IL16: variants seen among roughly 807,000 people sequenced by gnomAD.
IL16 encodes interleukin 16.
IL16 carries 67 observed loss-of-function variants against 110.1 expected under a neutral mutation model. That is an observed-to-expected ratio of 0.61 (90% CI 0.50 to 0.75). The LOEUF (loss-of-function observed/expected upper bound fraction) is 0.75. Ranked by LOEUF, IL16 falls within the 30% of genes least tolerant of loss-of-function variation. IL16 has a pLI of 0.00. For missense variants in IL16, 1,545 were observed against 1,655.0 expected (o/e 0.93, Z 1.15); for synonymous variants, 689 against 662.9 (o/e 1.04, Z -0.61).
At chr15:81,204,368 G>A (rs1379351596) in intron 1 of IL16, among the ~76,000 whole-genome samples, 2 of 152,122 alleles carry the variant, frequency 1.3e-5, no homozygotes, top group African/African-American at 4.8e-5. Flanking sequence ...TGTTGAATAG[G>A]AGTGGTGAGA....
In IL16 at chr15:81,265,815, G is replaced by A. The variant is rs764213288; in HGVS notation, c.564+14G>A. 1 of 1,605,810 alleles carries A rather than the reference G, an allele frequency of 6.2e-7. No homozygotes were observed. The highest frequency in any genetic ancestry group is 8.5e-7 in the Non-Finnish European group (1 of 1,175,494). ...GGAAAGGCTGCGGTAAGAATGGAAG[G>A]AGGGAAACTCAGAGAAGAGTTTCTC... On this transcript the variant is annotated intron_variant, in intron 4 of 18. Transcript: ENST00000683961.
chr15:81,265,889 C>A, intron 4 of IL16, 88 bp downstream of exon 4: 1 of 1,298,382 alleles, frequency 7.7e-7, no homozygotes, highest in Non-Finnish European at 1.1e-6. Flanking sequence ...AAGAGGCCTT[C>A]CCAGTAGTTT....
At chr15:81,263,860 G>A (rs957631696) in intron 3 of IL16, among the ~76,000 whole-genome samples, 1 of 152,170 alleles carries the variant, frequency 6.6e-6, no homozygotes, top group Admixed American at 6.5e-5. Flanking sequence ...GGAGGCTGAG[G>A]TCATGCCTCA....
At chr15:81,231,373 T>TCTCC (rs1896978068) in intron 2 of IL16, among the ~76,000 whole-genome samples, 1 of 145,608 alleles carries the variant, frequency 6.9e-6, no homozygotes, top group Non-Finnish European at 1.5e-5. Flanking sequence ...TCTCTCTCTC[T>TCTCC]CTCTCTCTCC....
At chr15:81,225,216 G>A (rs961024768) in intron 1 of IL16, 83 bp from the exon 2 acceptor site, 26 of 1,164,060 alleles carry the variant, frequency 2.2e-5, no homozygotes, top group East Asian at 1.3e-4. Context: ...CCAAGAACCC[G>A]TGGCTCAGAT....
chr15:81,313,264 GGA>G lies in IL16; in HGVS notation c.*4467_*4468del. The G allele has an allele frequency of 6.4e-7, 1 of 1,568,418 alleles. No homozygotes were observed. The highest frequency in any genetic ancestry group is 8.6e-7 in the Non-Finnish European group (1 of 1,156,946). ...AAGAAGTAACGATAGCATTACTCAT[GGA>G]ATTGCTTCACTGCTTTCTGAAGGTT... On this transcript the variant is annotated 3_prime_UTR_variant, in exon 19 of 19. Transcript: ENST00000683961.
At chr15:81,217,394 C>A (rs1347219349) in intron 1 of IL16, among the ~76,000 whole-genome samples, 1 of 151,982 alleles carries the variant, frequency 6.6e-6, no homozygotes, top group African/African-American at 2.4e-5. Context: ...ATAGACCAAC[C>A]AAGGAAGTAA....
At position 81,282,674 on chromosome 15, in the gene IL16, G is replaced by A. The variant is rs773459097; in HGVS notation, c.1117G>A (p.Val373Ile). 34 of 1,613,768 alleles carry A rather than the reference G, an allele frequency of 2.1e-5. No individual in the cohort carries two copies. The highest frequency in any genetic ancestry group is 1.2e-4 in the Admixed American group (7 of 60,010). ...GVGLGIGLCS[V>I]PYFQCISGIF... Reference sequence around the variant, plus strand: ...GGGCCTGGGCATCGGCCTGTGCAGCGTTCCCTACTTCCAATGCATCTCTGG... The same window carrying A: ...GGGCCTGGGCATCGGCCTGTGCAGCATTCCCTACTTCCAATGCATCTCTGG... Residue 373 changes from valine to isoleucine, a missense_variant, in exon 9 of 19, where the codon GTT becomes ATT. This residue lies in a region of IL16 where 1,185 missense variants were observed against 1,238.8 expected (regional missense o/e 0.96). Coordinates refer to ENST00000683961, the MANE Select transcript of IL16 (RefSeq NM_172217.5).
intron 2 of IL16, among the ~76,000 whole-genome samples, chr15:81,245,455 C>T (rs1188535943): frequency 6.6e-6 from 1 of 151,192 alleles, no homozygotes; most frequent in Non-Finnish European, 1.5e-5. Flanking sequence ...ATGTTTTACA[C>T]TAAGGCTGTG....
rs1900015805 is a variant in IL16 at position 81,296,964 on chromosome 15, G to A, written c.1939G>A (p.Glu647Lys). 2.5e-6 allele frequency: 4 copies of A among 1,613,280 alleles called. No homozygotes were observed. Among genetic ancestry groups the A allele is most frequent in the South Asian group, 2.2e-5 (2 of 91,058 alleles). ...RELLPLLLPQEDTAGRSPSAS... is the reference protein window; with the variant it reads ...RELLPLLLPQKDTAGRSPSAS... Reference sequence around the variant, plus strand: ...GCTGCTGCCACTGCTGCTACCACAGGAAGACACAGCAGGGAGAAGCCCTAG... The same window carrying A: ...GCTGCTGCCACTGCTGCTACCACAGAAAGACACAGCAGGGAGAAGCCCTAG... The change falls in exon 13 of 19, where the codon GAA (glutamate) becomes AAA (lysine). Residue 647 changes from glutamate to lysine, a missense_variant. By Grantham distance (56) the Glu-to-Lys change is moderately conservative (BLOSUM62 1). Coordinates refer to ENST00000683961, the MANE Select transcript of IL16 (RefSeq NM_172217.5).
intron 3 of IL16, among the ~76,000 whole-genome samples, chr15:81,260,969 A>G (rs551262298): frequency 6.6e-6 from 1 of 152,378 alleles, no homozygotes; most frequent in Admixed American, 6.5e-5. Context: ...AAATTTCAGT[A>G]GCTAATATTC....
intron 18 of IL16, chr15:81,306,812 C>A (rs1339620752): frequency 1.0e-5 from 5 of 492,132 alleles, no homozygotes; most frequent in South Asian, 1.0e-4. Flanking sequence ...GGCCAGGACT[C>A]TAGAGTGGGG....
At chr15:81,257,566 G>T (rs968364194) in intron 2 of IL16, among the ~76,000 whole-genome samples, 1 of 152,134 alleles carries the variant, frequency 6.6e-6, no homozygotes, top group Admixed American at 6.5e-5. Flanking sequence ...AAAGCCAAGG[G>T]AATGAGGGAT....
intron 14 of IL16, among the ~76,000 whole-genome samples, chr15:81,300,952 G>C (rs1191194882): frequency 1.3e-5 from 2 of 152,210 alleles, no homozygotes; most frequent in East Asian, 1.9e-4. Flanking sequence ...CTGGGTCCTA[G>C]TCTCAGCTTA....
intron 2 of IL16, among the ~76,000 whole-genome samples, chr15:81,229,499 A>T (rs544896757): frequency 5.0e-4 from 76 of 152,140 alleles, no homozygotes; most frequent in African/African-American, 1.8e-3. Context: ...GACAACAGAG[A>T]GGGGCATTGT....
chr15:81,254,230 T>G (rs1897868707), intron 2 of IL16, among the ~76,000 whole-genome samples: 1 of 152,222 alleles, frequency 6.6e-6, no homozygotes, highest in Non-Finnish European at 1.5e-5. Context: ...ATGCCAGTGA[T>G]GTCAGCCAGG....
At chr15:81,281,615 T>C (rs1160199965) in intron 8 of IL16, among the ~76,000 whole-genome samples, 1 of 152,250 alleles carries the variant, frequency 6.6e-6, no homozygotes, top group Non-Finnish European at 1.5e-5. Flanking sequence ...TTCCAGCACA[T>C]TGCACATGTC....
intron 2 of IL16, among the ~76,000 whole-genome samples, chr15:81,249,430 A>G (rs972170326): frequency 6.6e-6 from 1 of 152,048 alleles, no homozygotes; most frequent in Non-Finnish European, 1.5e-5. Context: ...CTGTCTGTAA[A>G]GACCTTTATT....
chr15:81,293,930 G>A (rs578149406), intron 12 of IL16, among the ~76,000 whole-genome samples: 3 of 152,280 alleles, frequency 2.0e-5, no homozygotes, highest in East Asian at 3.9e-4. Flanking sequence ...TGAGAAACTC[G>A]CTCAAGTTCA....
Sources: allele counts gnomAD v4.1 joint callset (sites outside exome capture counted in the v4.1 genomes callset), GRCh38; gene constraint gnomAD v4.1.1; regional missense constraint gnomAD v4.1.1; transcripts MANE v1.5; gene names NCBI Gene and HGNC (gene_info 2026-07-23, HGNC 2026-07-21).